Variants in PTPRG observed in about 807,000 individuals in gnomAD.
PTPRG encodes protein tyrosine phosphatase receptor type G.
In PTPRG, 102 loss-of-function variants were observed where a neutral mutation model predicts 165.3. The observed-to-expected ratio is 0.62, with a 90% CI of 0.53 to 0.73. The LOEUF (loss-of-function observed/expected upper bound fraction) is 0.73, where lower values mean the gene tolerates loss of function less well. PTPRG is among the 30% of genes least tolerant of loss of function. PTPRG has a pLI of 0.00. For synonymous variants in PTPRG, 675 were observed against 669.5 expected, an observed-to-expected ratio of 1.01 and a Z score of -0.13; for missense variants, 1,866 against 1,861.4, an observed-to-expected ratio of 1.00 and a Z score of -0.05.
chr3:62,063,332 C>T (rs1700882937), intron 4 of PTPRG, among the ~76,000 whole-genome samples: 1 of 152,144 alleles, frequency 6.6e-6, no homozygotes, highest in African/African-American at 2.4e-5. Flanking sequence ...GTTCTTTTTA[C>T]CACTAAAGCC....
At chr3:62,109,840 C>T (rs962306835) in intron 5 of PTPRG, among the ~76,000 whole-genome samples, 1 of 152,180 alleles carries the variant, frequency 6.6e-6, no homozygotes, top group African/African-American at 2.4e-5. Context: ...TTCCACAACC[C>T]AGTGAGTCAC....
intron 2 of PTPRG, among the ~76,000 whole-genome samples, chr3:61,809,287 G>A (rs901218300): frequency 1.3e-5 from 2 of 151,832 alleles, no homozygotes; most frequent in African/African-American, 4.8e-5. Context: ...AAGTAGGAAG[G>A]ATTAAAAGAA....
At chr3:62,128,911 C>A (rs967154722) in intron 5 of PTPRG, among the ~76,000 whole-genome samples, 1 of 151,790 alleles carries the variant, frequency 6.6e-6, no homozygotes, top group Non-Finnish European at 1.5e-5. Flanking sequence ...TGGAACAAAT[C>A]CACTTATTAG....
At chr3:61,990,321 T>C (rs1356116672) in intron 3 of PTPRG, among the ~76,000 whole-genome samples, 2 of 152,160 alleles carry the variant, frequency 1.3e-5, no homozygotes, top group East Asian at 1.9e-4. Flanking sequence ...GTGCCAAATA[T>C]GCAAATGGAA....
intron 1 of PTPRG, among the ~76,000 whole-genome samples, chr3:61,675,775 G>T (rs1311705017): frequency 6.6e-6 from 1 of 151,620 alleles, no homozygotes; most frequent in African/African-American, 2.4e-5. Flanking sequence ...AGTAATGAGG[G>T]TTTATTATAC....
At chr3:61,621,864 A>G (rs892054055) in intron 1 of PTPRG, among the ~76,000 whole-genome samples, 2 of 152,146 alleles carry the variant, frequency 1.3e-5, no homozygotes, top group East Asian at 1.9e-4. Flanking sequence ...TTGCTAATGT[A>G]TGTGGTTCTC....
chr3:62,059,927 A>T (rs1398785088), intron 4 of PTPRG, among the ~76,000 whole-genome samples: 2 of 152,264 alleles, frequency 1.3e-5, no homozygotes, highest in East Asian at 1.9e-4. Context: ...CATGATTGTA[A>T]GTTTCCTGAG....
At chr3:62,093,814 A>G (rs564329010) in intron 5 of PTPRG, among the ~76,000 whole-genome samples, 47 of 152,294 alleles carry the variant, frequency 3.1e-4, no homozygotes, top group South Asian at 6.2e-4. Context: ...CTGCATTAAG[A>G]TGGACCTATC....
chr3:62,120,732 A>C lies in PTPRG; in HGVS notation c.616-11870A>C, dbSNP rs1355915791. Among the ~76,000 whole-genome samples the C allele has an allele frequency of 3.3e-5, 5 of 150,434 alleles. No homozygotes were observed. The East Asian group carries it at 9.9e-4, about 30-fold the overall frequency. ...GCCACTGCACTCCAGCCTGGGTGAC[A>C]GCAAGACTCCATCTCAAAAAAAAAA... On this transcript the variant is annotated intron_variant, in intron 5 of 29. Coordinates refer to ENST00000474889, the MANE Select transcript of PTPRG (RefSeq NM_002841.4).
chr3:61,761,434 C>A (rs781215537), intron 2 of PTPRG, among the ~76,000 whole-genome samples: 16 of 152,072 alleles, frequency 1.1e-4, no homozygotes, highest in Non-Finnish European at 1.5e-4. Flanking sequence ...AAAAAATTAG[C>A]CAGGCGTGGT....
In PTPRG at chr3:62,110,090, T is replaced by C. The variant is rs1007545057; in HGVS notation, c.616-22512T>C. ...CTCTCTCTATTCTAGAAATAATGGC[T>C]TTTTTTTTTTTTTTTTTTTTTTGCA... On this transcript the variant is annotated intron_variant, in intron 5 of 29. Transcript: ENST00000474889. Among the ~76,000 whole-genome samples, 16 of 14,714 alleles carry C rather than the reference T, an allele frequency of 1.1e-3. No homozygotes were observed. The South Asian group carries it at 0.027, about 25-fold the overall frequency. The allele number at this position is 14,714 out of a possible 152,430, so 9.7% of individuals were successfully genotyped here. A position where few individuals can be genotyped will look rare whatever the true frequency, so the allele number is the denominator to read the frequency against.
At chr3:62,009,553 A>G (rs140399278) in intron 4 of PTPRG, among the ~76,000 whole-genome samples, 3 of 152,292 alleles carry the variant, frequency 2.0e-5, no homozygotes, top group East Asian at 1.9e-4. Context: ...ATGATTTGCC[A>G]TCAATTTTAT....
chr3:62,075,725 A>G (rs1216716330), intron 4 of PTPRG, among the ~76,000 whole-genome samples: 1 of 152,172 alleles, frequency 6.6e-6, no homozygotes, highest in Non-Finnish European at 1.5e-5. Context: ...CCTTTGACCT[A>G]TATTTAGCTT....
intron 2 of PTPRG, among the ~76,000 whole-genome samples, chr3:61,922,571 TAA>T (rs1241058105): frequency 6.6e-6 from 1 of 152,240 alleles, no homozygotes; most frequent in African/African-American, 2.4e-5. Flanking sequence ...AGCCTGCACT[TAA>T]CTATTTCTTG....
intron 2 of PTPRG, among the ~76,000 whole-genome samples, chr3:61,938,958 GA>G (rs2039545710): frequency 2.6e-5 from 4 of 152,150 alleles, no homozygotes; most frequent in Admixed American, 2.6e-4. Flanking sequence ...TTTATGAATG[GA>G]AAAGTAGATT....
intron 4 of PTPRG, among the ~76,000 whole-genome samples, chr3:62,014,676 A>G (rs867249467): frequency 9.2e-5 from 14 of 152,038 alleles, no homozygotes; most frequent in Non-Finnish European, 1.0e-4. Context: ...TCCCCTTGCT[A>G]TTTCTTAGCC....
In PTPRG at chr3:62,157,051, C is replaced by G; in HGVS notation, c.683-16C>G. The G allele has an allele frequency of 6.3e-7, 1 of 1,586,226 alleles. No homozygotes were observed. Among genetic ancestry groups the G allele is most frequent in the Non-Finnish European group, 8.7e-7 (1 of 1,155,134 alleles). On this transcript the variant is annotated splice_polypyrimidine_tract_variant and intron_variant, in intron 6 of 29. Coordinates refer to ENST00000474889, the MANE Select transcript of PTPRG (RefSeq NM_002841.4). ...ACTTACCATTGTGCTTTTCTTTTCC[C>G]TTTTTCCCCAAACAGAGAAGGAGAC...
At chr3:62,112,580 G>T (rs756956556) in intron 5 of PTPRG, among the ~76,000 whole-genome samples, 3 of 152,224 alleles carry the variant, frequency 2.0e-5, no homozygotes, top group Admixed American at 6.5e-5. Flanking sequence ...TAAGCTCCCA[G>T]TAGATATTAA....
Position 62,191,518 on chromosome 3 carries a change from G to A in PTPRG, c.1083G>A (p.Thr361=), listed in dbSNP as rs757361968. 9.3e-6 allele frequency: 15 copies of A among 1,614,078 alleles called. No individual in the cohort carries two copies. The highest frequency in any genetic ancestry group is 6.7e-5 in the Admixed American group (4 of 60,018). Residue 361 remains threonine, a synonymous_variant, in exon 9 of 30, where the codon ACG becomes ACA. Transcript: ENST00000474889. ...TGAAGGTGCAGCCTCTGAACCAGAC[G>A]GCACTGCAGGTGTCCTGGAGCCAGC... is the stretch of plus-strand genomic sequence containing the variant. ...IHMKVQPLNQ[T]ALQVSWSQPE...
Sources: allele counts gnomAD v4.1 joint callset (sites outside exome capture counted in the v4.1 genomes callset), GRCh38; gene constraint gnomAD v4.1.1; transcripts MANE v1.5; gene names NCBI Gene and HGNC (gene_info 2026-07-23, HGNC 2026-07-21).